Variants in DENND5B observed in about 807,000 individuals in gnomAD.
The protein encoded by DENND5B is DENN domain containing 5B.
Under a neutral mutation model 140.6 loss-of-function variants are expected in DENND5B, and 34 were observed. That is an observed-to-expected ratio of 0.24 (90% CI 0.18 to 0.32). The LOEUF (loss-of-function observed/expected upper bound fraction) is 0.32. Ranked by LOEUF, DENND5B falls within the 10% of genes least tolerant of loss-of-function variation. The probability of loss-of-function intolerance (pLI) is 1.00; values close to 1 mark genes in which losing one functional copy is unlikely to be tolerated. For synonymous variants in DENND5B, 551 were observed against 562.1 expected, an observed-to-expected ratio of 0.98 and a Z score of 0.28; for missense variants, 1,142 against 1,560.2, an observed-to-expected ratio of 0.73 and a Z score of 4.52.
chr12:31,570,063 C>T (rs1268875941), intron 1 of DENND5B, among the ~76,000 whole-genome samples: 3 of 150,448 alleles, frequency 2.0e-5, no homozygotes, highest in Non-Finnish European at 3.0e-5. Context: ...GGCATGGTGG[C>T]GGGTGCCTGT....
At chr12:31,511,749 A>G (rs1947425927) in intron 1 of DENND5B, among the ~76,000 whole-genome samples, 1 of 152,054 alleles carries the variant, frequency 6.6e-6, no homozygotes, top group Non-Finnish European at 1.5e-5. Context: ...ATGTTCGTTG[A>G]GTAAATGGAT....
chr12:31,401,258 G>A (rs1941780657), intron 15 of DENND5B, among the ~76,000 whole-genome samples: 1 of 152,236 alleles, frequency 6.6e-6, no homozygotes, highest in African/African-American at 2.4e-5. Context: ...ATGGAAAGAA[G>A]TAGGTAGACA....
Position 31,409,276 on chromosome 12 carries a change from C to A in DENND5B, c.2790G>T (p.Val930=). 6.4e-7 allele frequency: 1 copy of A among 1,574,596 alleles called. No individual in the cohort carries two copies. The highest frequency in any genetic ancestry group is 8.6e-7 in the Non-Finnish European group (1 of 1,159,314). Reference sequence around the variant, plus strand: ...CTCTAGACTTACTGATAGTGGTGAACACACTGGTGAAGCAGAAATAGTCCA... The same window carrying A: ...CTCTAGACTTACTGATAGTGGTGAAAACACTGGTGAAGCAGAAATAGTCCA... ...NAVDYFCFTS[V]FTTIMIPYRS... Residue 930 remains valine (V), a synonymous_variant, in exon 14 of 21, where the codon GTG becomes GTT. Coordinates refer to ENST00000389082, the MANE Select transcript of DENND5B (RefSeq NM_144973.4).
In DENND5B at chr12:31,386,509, A is replaced by T. The variant is rs1940857243; in HGVS notation, c.*1094T>A. ...AGGAACGTAAAGCTTGCCCTGAAAC[A>T]CCCAGAAAGGGTTCATTCTCTCTCT... is the stretch of plus-strand genomic sequence containing the variant. On this transcript the variant is annotated 3_prime_UTR_variant, in exon 21 of 21. Coordinates refer to ENST00000389082, the MANE Select transcript of DENND5B (RefSeq NM_144973.4). 2 of 152,186 alleles carry T rather than the reference A, an allele frequency of 1.3e-5. No individual in the cohort carries two copies. Among genetic ancestry groups the T allele is most frequent in the South Asian group, 4.1e-4 (2 of 4,832 alleles). The allele number at this position is 152,186 out of a possible 1,614,324, so 9.4% of individuals were successfully genotyped here.
intron 2 of DENND5B, among the ~76,000 whole-genome samples, chr12:31,495,199 ACT>A: frequency 6.6e-6 from 1 of 152,276 alleles, no homozygotes; most frequent in African/African-American, 2.4e-5. Context: ...AAGTAATATC[ACT>A]GTTTATCAAA....
intron 3 of DENND5B, among the ~76,000 whole-genome samples, chr12:31,468,353 A>AATTT (rs1459765324): frequency 3.3e-5 from 5 of 152,174 alleles, no homozygotes; most frequent in African/African-American, 1.2e-4. Flanking sequence ...TCAAGTGCTT[A>AATTT]AGATACTGGT....
intron 7 of DENND5B, 69 bp from the exon 8 acceptor site, chr12:31,433,317 C>A: frequency 7.6e-7 from 1 of 1,323,966 alleles, no homozygotes; most frequent in South Asian, 1.4e-5. Context: ...CCATTCAACA[C>A]AAAAGACTGA....
chr12:31,419,142 G>C (rs1369453178), intron 11 of DENND5B, among the ~76,000 whole-genome samples: 1 of 152,214 alleles, frequency 6.6e-6, no homozygotes, highest in African/African-American at 2.4e-5. Context: ...ACTCCAGCTA[G>C]AAGAGAATTT....
At chr12:31,391,832 A>G (rs1434204786) in intron 19 of DENND5B, among the ~76,000 whole-genome samples, 1 of 151,840 alleles carries the variant, frequency 6.6e-6, no homozygotes, top group Non-Finnish European at 1.5e-5. Context: ...AGCTAATTTA[A>G]TATTTATTTT....
chr12:31,398,418 G>A (rs546235138), intron 16 of DENND5B, 56 bp from the exon 17 acceptor site: 16 of 1,472,572 alleles, frequency 1.1e-5, no homozygotes, highest in African/African-American at 7.1e-5. Flanking sequence ...CAGGGTTCCC[G>A]CTCAGCCCCC....
At position 31,392,304 on chromosome 12, in the gene DENND5B, G is replaced by C; in HGVS notation, c.3429C>G (p.Arg1143=). The C allele has an allele frequency of 6.2e-7, 1 of 1,613,776 alleles. No individual in the cohort carries two copies. Among genetic ancestry groups the C allele is most frequent in the Non-Finnish European group, 8.5e-7 (1 of 1,179,862 alleles). The change falls in exon 19 of 21, where the codon CGC becomes CGG. Residue 1143 remains arginine (R), a synonymous_variant. Transcript: ENST00000389082. The part of the protein sequence containing the change: ...QVFHHGFKSA[R]IFHKNVFIWD... ...AGATGAAGACATTCTTGTGAAAGAT[G>C]CGGGCAGATTTGAACCCATGGTGGA... is the stretch of plus-strand genomic sequence containing the variant.
At chr12:31,478,330 AAAAGG>A (rs1316042306) in intron 3 of DENND5B, among the ~76,000 whole-genome samples, 1 of 152,228 alleles carries the variant, frequency 6.6e-6, no homozygotes. Context: ...GAAAAATAAA[AAAAGG>A]AAAGTGGTAA....
intron 15 of DENND5B, among the ~76,000 whole-genome samples, chr12:31,400,613 GATTA>G (rs1407663346): frequency 5.9e-5 from 9 of 152,024 alleles, no homozygotes; most frequent in Admixed American, 3.3e-4. Flanking sequence ...TATATTTATG[GATTA>G]ATTGAGATAT....
chr12:31,565,700 G>C (rs994582415), intron 1 of DENND5B, among the ~76,000 whole-genome samples: 1 of 152,168 alleles, frequency 6.6e-6, no homozygotes, highest in African/African-American at 2.4e-5. Context: ...GTTCTCTATA[G>C]TTAAAGGGGC....
intron 8 of DENND5B, among the ~76,000 whole-genome samples, chr12:31,429,534 G>A (rs140187425): frequency 0.018 from 2,718 of 149,712 alleles, 48 homozygotes; most frequent in Non-Finnish European, 0.024. Flanking sequence ...TCAGCCTCTC[G>A]AGTAGCTAGG....
rs1446788426 is a variant in DENND5B, at chr12:31,392,705, T to C, written c.3257-9A>G. On this transcript the variant is annotated splice_polypyrimidine_tract_variant and intron_variant, in intron 17 of 20. Coordinates refer to ENST00000389082, the MANE Select transcript of DENND5B (RefSeq NM_144973.4). ...CTGCCCAGCATTGGGTTCTGTAAAA[T>C]AATAAACAGTGGCTGCATTCTCATG... is the stretch of plus-strand genomic sequence containing the variant. The C allele has an allele frequency of 6.4e-7, 1 of 1,551,288 alleles. No homozygotes were observed.
rs1263276071 is a variant in DENND5B, at chr12:31,392,439, A to G, written c.3340-46T>C. On this transcript the variant is annotated intron_variant, in intron 18 of 20. Transcript: ENST00000389082. ...TGCCAAAGAAAAATCTCCTGCATCT[A>G]TGTCTAAAAAAAACACTAGAGAAGC... 2.5e-6 allele frequency: 4 copies of G among 1,604,804 alleles called. No individual in the cohort carries two copies. The South Asian group carries it at 4.5e-5, about 18-fold the overall frequency.
intron 3 of DENND5B, among the ~76,000 whole-genome samples, chr12:31,464,688 G>A (rs1330400630): frequency 5.9e-5 from 9 of 152,126 alleles, no homozygotes. Context: ...AGCCTCCCGA[G>A]TAGCTTGGAT....
At chr12:31,411,827 G>C (rs369722655) in intron 13 of DENND5B, among the ~76,000 whole-genome samples, 5 of 152,154 alleles carry the variant, frequency 3.3e-5, no homozygotes, top group Non-Finnish European at 7.3e-5. Context: ...ACTACAAAAA[G>C]CACTGGAACT....
Sources: gnomAD v4.1 joint callset for allele counts (sites outside exome capture counted in the v4.1 genomes callset) on GRCh38, gnomAD v4.1.1 for gene constraint, MANE v1.5 for transcripts, NCBI Gene and HGNC (gene_info 2026-07-23, HGNC 2026-07-21) for gene names.